Variants in AGBL1 observed in about 807,000 individuals in gnomAD.
AGBL1 encodes the protein AGBL carboxypeptidase 1.
Under a neutral mutation model 118.9 loss-of-function variants are expected in AGBL1, and 130 were observed. That is an observed-to-expected ratio of 1.09 (90% confidence interval 0.95 to 1.26). The LOEUF is 1.26. AGBL1 is among the 50% of genes most tolerant of loss of function. AGBL1 has a pLI of 0.00. For synonymous variants in AGBL1, 555 were observed against 478.9 expected (o/e 1.16, Z -2.08); for missense variants, 1,584 against 1,298.1 (o/e 1.22, Z -3.38).
intron 22 of AGBL1, among the ~76,000 whole-genome samples, chr15:86,715,936 A>C (rs965369247): frequency 1.3e-5 from 2 of 151,654 alleles, no homozygotes; most frequent in Non-Finnish European, 2.9e-5. Flanking sequence ...GTGGGTGCCG[A>C]GTAGTCCCAG....
intron 1 of AGBL1, among the ~76,000 whole-genome samples, chr15:86,133,686 A>G (rs1184269632): frequency 6.6e-6 from 1 of 152,214 alleles, no homozygotes; most frequent in East Asian, 1.9e-4. Flanking sequence ...AGGATCATTG[A>G]TATCCTTGAC....
chr15:87,019,124 G>A (rs2570112), intron 24 of AGBL1, among the ~76,000 whole-genome samples: 58,484 of 151,894 alleles, frequency 0.39, 11,791 homozygotes, highest in East Asian at 0.52. Context: ...CATAAAGCAA[G>A]TTTTTAGAGA....
At chr15:86,460,055 G>A (rs1380835902) in intron 18 of AGBL1, among the ~76,000 whole-genome samples, 1 of 151,952 alleles carries the variant, frequency 6.6e-6, no homozygotes, top group Non-Finnish European at 1.5e-5. Flanking sequence ...GTTATTTTTG[G>A]TCAGGGCCAG....
In AGBL1 at chr15:86,913,080, C is replaced by G. The variant is rs375695863; in HGVS notation, c.*5786C>G. On this transcript the variant is annotated 3_prime_UTR_variant, in exon 23 of 23. Coordinates refer to ENST00000614907, the MANE Select transcript of AGBL1 (RefSeq NM_001386094.1). Reference sequence around the variant, plus strand: ...AGATAAAAATGGATTCTATTACAACCTTTCAGTGCCTAATAATAAAAAGAT... The same window carrying G: ...AGATAAAAATGGATTCTATTACAACGTTTCAGTGCCTAATAATAAAAAGAT... 2 of 152,032 alleles carry G rather than the reference C, an allele frequency of 1.3e-5. No homozygotes were observed. Among genetic ancestry groups the G allele is most frequent in the Non-Finnish European group, 2.9e-5 (2 of 68,016 alleles). 9.4% of individuals were successfully genotyped at this position (152,032 alleles called of 1,614,324 possible).
intron 18 of AGBL1, among the ~76,000 whole-genome samples, chr15:86,475,236 C>G (rs555605111): frequency 1.4e-4 from 21 of 152,246 alleles, no homozygotes; most frequent in Non-Finnish European, 2.8e-4. Context: ...ATGACTTTGA[C>G]GCGCTGAGAG....
intron 17 of AGBL1, among the ~76,000 whole-genome samples, chr15:86,326,535 G>A (rs945305706): frequency 2.0e-5 from 3 of 152,216 alleles, no homozygotes; most frequent in African/African-American, 7.2e-5. Flanking sequence ...GGCTAGAGAA[G>A]TTTGGCTGGT....
At chr15:86,157,603 A>C (rs1290715524) in intron 4 of AGBL1, among the ~76,000 whole-genome samples, 1 of 152,216 alleles carries the variant, frequency 6.6e-6, no homozygotes, top group East Asian at 1.9e-4. Context: ...AAGGTATTTA[A>C]AAAAATTATA....
chr15:86,576,486 A>C (rs1218190916), intron 21 of AGBL1, among the ~76,000 whole-genome samples: 1 of 152,226 alleles, frequency 6.6e-6, no homozygotes, highest in East Asian at 1.9e-4. Flanking sequence ...ACATGGTTTG[A>C]ACAGTTGGCT....
chr15:86,616,393 T>G (rs901443637), intron 21 of AGBL1, among the ~76,000 whole-genome samples: 28 of 149,620 alleles, frequency 1.9e-4, no homozygotes, highest in African/African-American at 6.5e-4. Context: ...AAACTTGTCG[T>G]TGGATTAGAT....
chr15:86,189,751 C>T (rs2077689287), intron 5 of AGBL1, among the ~76,000 whole-genome samples: 1 of 152,182 alleles, frequency 6.6e-6, no homozygotes, highest in South Asian at 2.1e-4. Context: ...TTCTGCAGAA[C>T]CATGAGCAAA....
At chr15:86,691,867 G>C (rs1399933547) in intron 22 of AGBL1, among the ~76,000 whole-genome samples, 1 of 152,020 alleles carries the variant, frequency 6.6e-6, no homozygotes, top group Non-Finnish European at 1.5e-5. Flanking sequence ...ATAAAATCTG[G>C]ACTGGATTTA....
intron 24 of AGBL1, among the ~76,000 whole-genome samples, chr15:87,024,223 T>C (rs1400239435): frequency 1.3e-5 from 2 of 151,806 alleles, no homozygotes; most frequent in Non-Finnish European, 2.9e-5. Context: ...TAAATGAAAC[T>C]GATAGACCAT....
chr15:86,170,938 G>T (rs1318399148), intron 5 of AGBL1, among the ~76,000 whole-genome samples: 3 of 151,644 alleles, frequency 2.0e-5, no homozygotes, highest in Admixed American at 6.6e-5. Context: ...GATGCATTAT[G>T]TACACAGAAA....
chr15:86,453,506 A>G, intron 18 of AGBL1, among the ~76,000 whole-genome samples: 1 of 152,200 alleles, frequency 6.6e-6, no homozygotes, highest in East Asian at 1.9e-4. Context: ...CCTTTTCATA[A>G]TATTTTGGTA....
At chr15:86,447,835 A>T (rs1373530156) in intron 18 of AGBL1, among the ~76,000 whole-genome samples, 1 of 152,204 alleles carries the variant, frequency 6.6e-6, no homozygotes, top group African/African-American at 2.4e-5. Flanking sequence ...AACTAATAAT[A>T]TAAGGCAACA....
At chr15:86,672,127 G>GA (rs1329484579) in intron 21 of AGBL1, among the ~76,000 whole-genome samples, 2 of 151,962 alleles carry the variant, frequency 1.3e-5, no homozygotes, top group Admixed American at 6.6e-5. Context: ...AGAGTAAAGA[G>GA]AAAAAAACAG....
At chr15:86,863,103 GAGAGAT>G (rs2079581046) in intron 22 of AGBL1, among the ~76,000 whole-genome samples, 1 of 152,172 alleles carries the variant, frequency 6.6e-6, no homozygotes, top group Admixed American at 6.5e-5. Context: ...AAAACAATTA[GAGAGAT>G]AGATTCCATG....
chr15:86,098,582 G>C (rs1597389653), intron 1 of AGBL1, among the ~76,000 whole-genome samples: 1 of 152,174 alleles, frequency 6.6e-6, no homozygotes, highest in East Asian at 1.9e-4. Context: ...CCTTTCCCCA[G>C]TGTATGTTCT....
Position 86,522,804 on chromosome 15 carries a change from C to G in AGBL1, c.2556-6C>G, listed in dbSNP as rs368431943. 29 of 1,613,266 alleles carry G rather than the reference C, an allele frequency of 1.8e-5. No individual in the cohort carries two copies. The highest frequency in any genetic ancestry group is 3.3e-5 in the Admixed American group (2 of 59,912). The stretch of plus-strand genomic sequence containing the variant: ...GTATTTATTTGCTTATTATTTGTTC[C>G]TGTAGCCACAGATGCTCACTGAGCG... On this transcript the variant is annotated splice_region_variant and splice_polypyrimidine_tract_variant and intron_variant, in intron 18 of 22. Transcript: ENST00000614907.
Sources: gnomAD v4.1 joint callset for allele counts (sites outside exome capture counted in the v4.1 genomes callset) on GRCh38, gnomAD v4.1.1 for gene constraint, MANE v1.5 for transcripts, NCBI Gene and HGNC (gene_info 2026-07-23, HGNC 2026-07-21) for gene names.